The following ACTR3C variants were observed in gnomAD, a reference collection of about 807,000 sequenced individuals.
ACTR3C encodes the protein actin-related protein 3C.
ACTR3C carries 18 observed loss-of-function variants against 26.3 expected under a neutral mutation model. The observed-to-expected ratio is 0.68, with a 90% confidence interval of 0.47 to 1.01. The LOEUF is 1.01. Among genes scored for constraint, ACTR3C ranks in the 50% least tolerant of loss-of-function variants. The pLI is 0.00. For synonymous variants in ACTR3C, 55 were observed against 94.5 expected, an observed-to-expected ratio of 0.58 and a Z score of 2.42; for missense variants, 184 against 250.7, an observed-to-expected ratio of 0.73 and a Z score of 1.80.
chr7:150,275,718 A>C (rs1043478505), intron 6 of ACTR3C, among the ~76,000 whole-genome samples: 4 of 152,034 alleles, frequency 2.6e-5, no homozygotes, highest in Admixed American at 6.5e-5. Flanking sequence ...GTCTCAAAAA[A>C]AAAACAAAAC....
the ACTR3C span, among the ~76,000 whole-genome samples, chr7:150,108,079 G>C: frequency 2.7e-5 from 4 of 150,212 alleles, no homozygotes; most frequent in East Asian, 5.8e-4. Context: ...TCTCCATAGT[G>C]ATCTGATAGC....
At chr7:150,122,959 C>A in the ACTR3C span, among the ~76,000 whole-genome samples, 1 of 150,018 alleles carries the variant, frequency 6.7e-6, no homozygotes, top group Admixed American at 6.6e-5. Flanking sequence ...AAGCTGGAAA[C>A]CATCATTCTC....
At chr7:149,902,859 C>T in the ACTR3C span, among the ~76,000 whole-genome samples, 1 of 85,864 alleles carries the variant, frequency 1.2e-5, no homozygotes, top group African/African-American at 3.1e-5. Context: ...GTGGGAGGAT[C>T]TCTTGAACCT....
the ACTR3C span, among the ~76,000 whole-genome samples, chr7:149,900,912 A>T: frequency 0.36 from 54,244 of 151,536 alleles, 9,832 homozygotes; most frequent in East Asian, 0.42. Context: ...GGGCACCTGT[A>T]ATCCCAGCTA....
At chr7:149,906,944 G>A in the ACTR3C span, among the ~76,000 whole-genome samples, 68 of 10,228 alleles carry the variant, frequency 6.6e-3, no homozygotes, top group African/African-American at 0.021. Context: ...ATCCTCCAAC[G>A]ACTTAAGAAA....
chr7:150,200,498 C>T, the ACTR3C span, among the ~76,000 whole-genome samples: 1 of 152,066 alleles, frequency 6.6e-6, no homozygotes, highest in Non-Finnish European at 1.5e-5. Flanking sequence ...AGACAATATA[C>T]ACGGCCAATA....
the ACTR3C span, among the ~76,000 whole-genome samples, chr7:150,130,211 A>G: frequency 1.3e-5 from 2 of 152,218 alleles, no homozygotes; most frequent in Non-Finnish European, 2.9e-5. Flanking sequence ...AATTAAAACT[A>G]TAAAATTTCT....
chr7:149,920,703 T>G, the ACTR3C span, among the ~76,000 whole-genome samples: 2 of 148,954 alleles, frequency 1.3e-5, no homozygotes, highest in Admixed American at 1.4e-4. Context: ...TTTTCCATTA[T>G]AGGTGGCCTG....
chr7:150,112,459 G>A, the ACTR3C span, among the ~76,000 whole-genome samples: 1 of 152,164 alleles, frequency 6.6e-6, no homozygotes, highest in Non-Finnish European at 1.5e-5. Flanking sequence ...CTTTCTGATG[G>A]GTCGCAACCA....
At chr7:150,290,552 G>A (rs536687050) in intron 3 of ACTR3C, among the ~76,000 whole-genome samples, 1 of 152,230 alleles carries the variant, frequency 6.6e-6, no homozygotes, top group Non-Finnish European at 1.5e-5. Flanking sequence ...AAATGAGACA[G>A]AAGGGAACAG....
At chr7:150,143,588 C>G in the ACTR3C span, among the ~76,000 whole-genome samples, 1 of 152,236 alleles carries the variant, frequency 6.6e-6, no homozygotes, top group Admixed American at 6.5e-5. Context: ...GAGTCCTCTT[C>G]CCTGATCCCC....
the ACTR3C span, among the ~76,000 whole-genome samples, chr7:149,934,530 A>G: frequency 1.3e-5 from 2 of 152,206 alleles, no homozygotes; most frequent in Non-Finnish European, 2.9e-5. Context: ...ATGAATGTCT[A>G]TGGAATTGTG....
At chr7:150,004,528 AT>A in the ACTR3C span, 26 of 152,282 alleles carry the variant, frequency 1.7e-4, no homozygotes, top group African/African-American at 6.0e-4. Flanking sequence ...GGAGGTGAAA[AT>A]TTGATGAGTC....
chr7:150,099,294 C>T, the ACTR3C span, among the ~76,000 whole-genome samples: 3 of 151,864 alleles, frequency 2.0e-5, no homozygotes, highest in African/African-American at 2.4e-5. Flanking sequence ...TCACCAAGTC[C>T]TATCCTCTCC....
chr7:150,010,693 C>CA, the ACTR3C span, among the ~76,000 whole-genome samples: 40,726 of 117,780 alleles, frequency 0.35, 6,767 homozygotes, highest in Non-Finnish European at 0.41. Context: ...GACTCCATCT[C>CA]AAAAAAAAAA....
intron 1 of ACTR3C, among the ~76,000 whole-genome samples, chr7:150,302,417 A>C (rs541879216): frequency 1.3e-5 from 2 of 152,072 alleles, no homozygotes; most frequent in African/African-American, 4.8e-5. Flanking sequence ...TACAGGAAAA[A>C]CTGTATGCAC....
chr7:150,097,356 C>T, the ACTR3C span, among the ~76,000 whole-genome samples: 1,443 of 151,492 alleles, frequency 9.5e-3, 73 homozygotes, highest in African/African-American at 0.032. Context: ...ATTTTTTTTC[C>T]TTCCATCCTG....
At chr7:150,194,068 T>C in the ACTR3C span, among the ~76,000 whole-genome samples, 1 of 149,740 alleles carries the variant, frequency 6.7e-6, no homozygotes, top group Non-Finnish European at 1.5e-5. Flanking sequence ...AGGATTTGTC[T>C]TTTTTAAAAA....
At chr7:150,305,236 A>G (rs1211151840) in intron 1 of ACTR3C, among the ~76,000 whole-genome samples, 2 of 152,148 alleles carry the variant, frequency 1.3e-5, no homozygotes, top group Non-Finnish European at 2.9e-5. Flanking sequence ...TTCCTGAAGG[A>G]TTTTCATGGG....
Sources: gnomAD v4.1 joint callset for allele counts (sites outside exome capture counted in the v4.1 genomes callset) on GRCh38, gnomAD v4.1.1 for gene constraint, MANE v1.5 for transcripts, NCBI Gene and HGNC (gene_info 2026-07-23, HGNC 2026-07-21) for gene names.